Variants in EPC1 observed in about 807,000 individuals in gnomAD.
The protein encoded by EPC1 is enhancer of polycomb homolog 1.
A neutral mutation model predicts 98.4 loss-of-function variants in EPC1; 12 were observed. That is an observed-to-expected ratio of 0.12 (90% CI 0.08 to 0.20). EPC1 has a LOEUF of 0.20. Among genes scored for constraint, EPC1 ranks in the 10% least tolerant of loss-of-function variants. EPC1 has a pLI of 1.00. For synonymous variants in EPC1, 357 were observed against 363.9 expected (o/e 0.98, Z 0.21); for missense variants, 729 against 990.5 (o/e 0.74, Z 3.54).
chr10:32,287,904 A>G (rs1290989998), intron 6 of EPC1, among the ~76,000 whole-genome samples: 1 of 152,200 alleles, frequency 6.6e-6, no homozygotes, highest in Non-Finnish European at 1.5e-5. Context: ...GATAAAATAT[A>G]CAGGCAACAG....
At chr10:32,312,660 C>T (rs1440065894) in intron 1 of EPC1, among the ~76,000 whole-genome samples, 1 of 152,162 alleles carries the variant, frequency 6.6e-6, no homozygotes, top group Non-Finnish European at 1.5e-5. Context: ...TATCACCACC[C>T]TAAAATAGTG....
intron 1 of EPC1, 27 bp from the exon 2 acceptor site, chr10:32,305,958 T>C (rs751582689): frequency 6.3e-7 from 1 of 1,578,192 alleles, no homozygotes; most frequent in Non-Finnish European, 8.6e-7. Flanking sequence ...ACAGGTAAGT[T>C]CATGTATTTT....
At chr10:32,364,646 A>AT (rs752056850) in intron 1 of EPC1, among the ~76,000 whole-genome samples, 6 of 152,008 alleles carry the variant, frequency 3.9e-5, no homozygotes, top group Admixed American at 1.3e-4. Context: ...TTTTATTTTT[A>AT]TTTTTTGTAG....
chr10:32,350,188 G>T (rs1464124342), upstream of EPC1, among the ~76,000 whole-genome samples: 2 of 152,192 alleles, frequency 1.3e-5, no homozygotes, highest in African/African-American at 4.8e-5. Context: ...CTCTTGTTTG[G>T]GAAAGGATTT....
intron 6 of EPC1, among the ~76,000 whole-genome samples, chr10:32,290,483 CAAAAAAAAA>C (rs57193296): frequency 0.3 from 11,956 of 40,282 alleles, 737 homozygotes; most frequent in Admixed American, 0.4. Flanking sequence ...AAGACTCTGT[CAAAAAAAAA>C]AAAAAAAAAA....
intron 1 of EPC1, among the ~76,000 whole-genome samples, chr10:32,334,548 A>G (rs923555391): frequency 4.6e-5 from 7 of 152,222 alleles, no homozygotes; most frequent in African/African-American, 1.4e-4. Context: ...CTTTCGAACA[A>G]TAAGAACTCC....
At chr10:32,347,230 G>T, upstream of EPC1, 1 of 1,219,202 alleles carries the variant, frequency 8.2e-7, no homozygotes, top group South Asian at 4.1e-5. Flanking sequence ...GGCGGGGGGA[G>T]GGAGCGCGGG....
At chr10:32,352,044 T>A (rs1839128139), upstream of EPC1, among the ~76,000 whole-genome samples, 2 of 97,592 alleles carry the variant, frequency 2.0e-5, no homozygotes, top group Admixed American at 9.1e-5. Context: ...CCATATTGAT[T>A]TTTTTTTTTT....
At chr10:32,279,298 AG>A (rs1836274779) in intron 10 of EPC1, among the ~76,000 whole-genome samples, 1 of 151,974 alleles carries the variant, frequency 6.6e-6, no homozygotes, top group African/African-American at 2.4e-5. Flanking sequence ...CAGTGAGCCA[AG>A]ATCGTGCTAC....
intron 1 of EPC1, among the ~76,000 whole-genome samples, chr10:32,374,134 T>A (rs549794031): frequency 2.0e-5 from 3 of 152,200 alleles, no homozygotes; most frequent in South Asian, 2.1e-4. Flanking sequence ...TAATTAACCA[T>A]TAGCTAAGTG....
intron 10 of EPC1, 148 bp from the exon 11 acceptor site, chr10:32,273,429 G>A: frequency 9.8e-7 from 1 of 1,017,572 alleles, no homozygotes; most frequent in Non-Finnish European, 1.4e-6. Flanking sequence ...ACTTCCAAAT[G>A]AAAATTTCTG....
chr10:32,281,239 G>T (rs571973925), intron 10 of EPC1, among the ~76,000 whole-genome samples: 91 of 152,166 alleles, frequency 6.0e-4, no homozygotes, highest in African/African-American at 2.0e-3. Context: ...TTGCCATGTT[G>T]GCCAGGCTGG....
intron 1 of EPC1, among the ~76,000 whole-genome samples, chr10:32,362,079 T>C (rs1839458321): frequency 6.6e-6 from 1 of 152,276 alleles, no homozygotes; most frequent in South Asian, 2.1e-4. Flanking sequence ...ACCATAAAAA[T>C]GGGCAATCAG....
chr10:32,323,769 T>G (rs1055288900), intron 1 of EPC1, among the ~76,000 whole-genome samples: 1 of 152,230 alleles, frequency 6.6e-6, no homozygotes, highest in African/African-American at 2.4e-5. Flanking sequence ...CTCTGACTAA[T>G]GAAATCAACC....
intron 6 of EPC1, 42 bp from the exon 7 acceptor site, chr10:32,287,316 T>C (rs1197962641): frequency 2.4e-5 from 38 of 1,599,782 alleles, no homozygotes; most frequent in Non-Finnish European, 3.2e-5. Context: ...AGAAACCATG[T>C]TCAACAAATT....
intron 1 of EPC1, among the ~76,000 whole-genome samples, chr10:32,311,081 C>T (rs1368109559): frequency 2.0e-5 from 3 of 152,030 alleles, no homozygotes; most frequent in South Asian, 2.1e-4. Context: ...GAGGCCAAGG[C>T]GGGCGGATCA....
chr10:32,308,909 A>G (rs1272483675), intron 1 of EPC1, among the ~76,000 whole-genome samples: 2 of 152,248 alleles, frequency 1.3e-5, no homozygotes, highest in African/African-American at 4.8e-5. Flanking sequence ...ATAAACGGAT[A>G]AAGGAAATGT....
chr10:32,357,318 G>A (rs906964847), intron 1 of EPC1, among the ~76,000 whole-genome samples: 2 of 152,200 alleles, frequency 1.3e-5, no homozygotes, highest in Non-Finnish European at 2.9e-5. Flanking sequence ...AACACGAGAC[G>A]CATAAGACAA....
chr10:32,371,069 T>C (rs1369730218), intron 1 of EPC1, among the ~76,000 whole-genome samples: 1 of 152,184 alleles, frequency 6.6e-6, no homozygotes, highest in Admixed American at 6.5e-5. Context: ...GCTGGTTTTT[T>C]CCTCCCTCAT....
Sources: gnomAD v4.1 joint callset for allele counts (sites outside exome capture counted in the v4.1 genomes callset) on GRCh38, gnomAD v4.1.1 for gene constraint, MANE v1.5 for transcripts, NCBI Gene and HGNC (gene_info 2026-07-23, HGNC 2026-07-21) for gene names.